Variants in ASIC2 observed in about 807,000 individuals in gnomAD.
ASIC2 encodes the protein acid-sensing ion channel 2.
Under a neutral mutation model 57.3 loss-of-function variants are expected in ASIC2, and 25 were observed. That is an observed-to-expected ratio of 0.44 (90% confidence interval 0.32 to 0.61). The LOEUF (loss-of-function observed/expected upper bound fraction) is 0.61. ASIC2 is among the 20% of genes least tolerant of loss of function. The pLI, the probability that ASIC2 is intolerant of heterozygous loss-of-function variation, is 0.06. For missense variants in ASIC2, 641 were observed against 738.1 expected (o/e 0.87, Z 1.52); for synonymous variants, 319 against 307.5 (o/e 1.04, Z -0.39).
chr17:33,084,729 G>A lies in ASIC2; in HGVS notation c.987+4134C>T, dbSNP rs185548372. Among the ~76,000 whole-genome samples, 495 of 152,188 alleles carry A rather than the reference G, an allele frequency of 3.3e-3. 7 individuals carry two copies. Among genetic ancestry groups the A allele is most frequent in the Non-Finnish European group, 5.6e-3 (381 of 68,002 alleles). ...GTTGTTATTCTTCTACCCTTCCCAG[G>A]GTTCTATTTCTCCTTCCAGCATATT... On this transcript the variant is annotated intron_variant, in intron 3 of 9. Coordinates refer to ENST00000225823, the MANE Select transcript of ASIC2 (RefSeq NM_183377.2).
intron 1 of ASIC2, among the ~76,000 whole-genome samples, chr17:33,311,050 T>C (rs1467780840): frequency 6.6e-6 from 1 of 152,082 alleles, no homozygotes; most frequent in Non-Finnish European, 1.5e-5. Context: ...TGAGGAGGAA[T>C]GGTACAAAGC....
chr17:33,707,808 C>T (rs1444393360), intron 1 of ASIC2, among the ~76,000 whole-genome samples: 3 of 152,172 alleles, frequency 2.0e-5, no homozygotes, highest in East Asian at 1.9e-4. Context: ...TGGGCATGCA[C>T]CTGACTTCCA....
intron 1 of ASIC2, among the ~76,000 whole-genome samples, chr17:33,984,541 G>A (rs1905747144): frequency 6.6e-6 from 1 of 152,212 alleles, no homozygotes; most frequent in Non-Finnish European, 1.5e-5. Context: ...AGGGCCAAGA[G>A]GAAATTTCCC....
chr17:33,905,207 T>A (rs891638081), intron 1 of ASIC2, among the ~76,000 whole-genome samples: 2 of 140,914 alleles, frequency 1.4e-5, no homozygotes, highest in African/African-American at 5.3e-5. Context: ...CCAAGCCTCC[T>A]GGAAAGTAAT....
In ASIC2 at chr17:34,063,171, A is replaced by G. The variant is rs150671881; in HGVS notation, c.555+92807T>C. On this transcript the variant is annotated intron_variant, in intron 1 of 9. Coordinates refer to the ASIC2 transcript ENST00000359872. ...CAACATACCAAAAAGAGAATCCACC[A>G]TTATCAAGTGGGTTTCATACCAGGA... Among the ~76,000 whole-genome samples, 6 of 152,344 alleles carry G rather than the reference A, an allele frequency of 3.9e-5. No homozygotes were observed. The East Asian group carries it at 5.8e-4, about 15-fold the overall frequency.
At chr17:33,464,653 T>C (rs1912795136) in intron 1 of ASIC2, among the ~76,000 whole-genome samples, 1 of 126,010 alleles carries the variant, frequency 7.9e-6, no homozygotes, top group Admixed American at 8.8e-5. Context: ...TCTTCCTTTC[T>C]TCCTTCTCTC....
chr17:34,156,189 G>T lies in ASIC2; in HGVS notation c.344C>A (p.Ala115Asp), dbSNP rs1278079899. ...GATCTGCAGGTTGACATCCAGCAGG[G>T]CCAGCAGCTCCCCAGCATGGTACAG... Residue 115 changes from alanine (A) to aspartate (D), a missense_variant, in exon 1 of 10, where the codon GCC becomes GAC. Ala to Asp is a moderately radical substitution (Grantham distance 126). Coordinates refer to the ASIC2 transcript ENST00000359872. The surrounding 1 kb of genome is among the most constrained non-coding windows in gnomAD (Gnocchi z 4.4). 6.2e-7 allele frequency: 1 copy of T among 1,613,960 alleles called. No homozygotes were observed. The highest frequency in any genetic ancestry group is 1.3e-5 in the African/African-American group (1 of 74,902).
chr17:33,351,879 C>T (rs906007185), intron 1 of ASIC2, among the ~76,000 whole-genome samples: 10 of 152,092 alleles, frequency 6.6e-5, no homozygotes, highest in South Asian at 6.2e-4. Context: ...ATGGGGGAGT[C>T]GGAACCTCTT....
At chr17:33,671,640 T>A (rs1052610682) in intron 1 of ASIC2, among the ~76,000 whole-genome samples, 3 of 152,150 alleles carry the variant, frequency 2.0e-5, no homozygotes, top group African/African-American at 7.2e-5. Context: ...TGCGTGGACA[T>A]CCACTTGGGA....
intron 1 of ASIC2, among the ~76,000 whole-genome samples, chr17:33,762,959 G>T (rs1164859712): frequency 1.3e-5 from 2 of 152,148 alleles, no homozygotes; most frequent in African/African-American, 2.4e-5. Flanking sequence ...TATTTAAGCT[G>T]GTAGAGTAGG....
intron 1 of ASIC2, chr17:33,980,673 A>G (rs1198918730): frequency 6.6e-6 from 1 of 152,236 alleles, no homozygotes; most frequent in Non-Finnish European, 1.5e-5. Context: ...CTCAGCTGCC[A>G]GCTCCCCATG....
chr17:33,926,726 C>T (rs1915829086), intron 1 of ASIC2, among the ~76,000 whole-genome samples: 1 of 152,164 alleles, frequency 6.6e-6, no homozygotes, highest in African/African-American at 2.4e-5. Context: ...ATCATGTATT[C>T]GGGGTAACCG....
chr17:34,017,280 C>T (rs1435598671), intron 1 of ASIC2, among the ~76,000 whole-genome samples: 1 of 152,172 alleles, frequency 6.6e-6, no homozygotes, highest in Admixed American at 6.6e-5. Context: ...CATCATGAAT[C>T]TCACTTATAT....
At chr17:33,891,053 C>T (rs752942492) in intron 1 of ASIC2, among the ~76,000 whole-genome samples, 15 of 152,106 alleles carry the variant, frequency 9.9e-5, no homozygotes, top group East Asian at 1.9e-4. Flanking sequence ...TATAAGTTTC[C>T]GGCTTTGGTG....
Position 33,822,393 on chromosome 17 carries a change from G to A in ASIC2, c.555+333585C>T, listed in dbSNP as rs189526043. On this transcript the variant is annotated intron_variant, in intron 1 of 9. Transcript: ENST00000359872. ...AGGACCTTGTGGGAAGGTGTGGCTG[G>A]TGGGTATTGATGGGGTTTGGATATG... Among the ~76,000 whole-genome samples, 982 of 152,314 alleles carry A rather than the reference G, an allele frequency of 6.4e-3. 12 individuals carry two copies. The highest frequency in any genetic ancestry group is 0.023 in the African/African-American group (943 of 41,560).
At chr17:33,780,895 C>A (rs1220411463) in intron 1 of ASIC2, among the ~76,000 whole-genome samples, 1 of 152,136 alleles carries the variant, frequency 6.6e-6, no homozygotes, top group African/African-American at 2.4e-5. Context: ...GCCATATGAC[C>A]CAGGCCAAGT....
chr17:33,140,114 T>C lies in ASIC2; in HGVS notation c.709-28047A>G, dbSNP rs2092381543. On this transcript the variant is annotated intron_variant, in intron 1 of 9. Coordinates refer to ENST00000225823, the MANE Select transcript of ASIC2 (RefSeq NM_183377.2). ...CTGGCCCAGAGCTACTGAACCAGAC[T>C]CTCTGATAATAAGGCCCAGGAATCT... Among the ~76,000 whole-genome samples the C allele has an allele frequency of 3.3e-5, 5 of 152,218 alleles. No homozygotes were observed. In the South Asian group the frequency reaches 1.0e-3, roughly 32 times the overall value.
At chr17:33,880,679 C>A (rs961457560) in intron 1 of ASIC2, among the ~76,000 whole-genome samples, 1 of 152,178 alleles carries the variant, frequency 6.6e-6, no homozygotes, top group African/African-American at 2.4e-5. Context: ...ACCAGAGGTA[C>A]AAGGAGGAGC....
chr17:33,729,476 C>A (rs1325946492), intron 1 of ASIC2, among the ~76,000 whole-genome samples: 1 of 152,132 alleles, frequency 6.6e-6, no homozygotes, highest in Non-Finnish European at 1.5e-5. Context: ...TATATCATTA[C>A]CCCGTGTTGG....
Sources: allele counts gnomAD v4.1 joint callset (sites outside exome capture counted in the v4.1 genomes callset), GRCh38; gene constraint gnomAD v4.1.1; non-coding constraint Gnocchi (gnomAD v3.1); transcripts MANE v1.5; gene names NCBI Gene and HGNC (gene_info 2026-07-23, HGNC 2026-07-21).